The following EBF1 variants were observed in gnomAD, a reference collection of about 807,000 sequenced individuals.
EBF1 encodes EBF transcription factor 1.
Under a neutral mutation model 68.4 loss-of-function variants are expected in EBF1, and 10 were observed. That is an observed-to-expected ratio of 0.15 (90% CI 0.09 to 0.25). EBF1 has a LOEUF of 0.25. Among genes scored for constraint, EBF1 ranks in the 10% least tolerant of loss-of-function variants. The probability of loss-of-function intolerance (pLI) is 1.00; values close to 1 mark genes in which losing one functional copy is unlikely to be tolerated. For synonymous variants in EBF1, 298 were observed against 299.8 expected (o/e 0.99, Z 0.06); for missense variants, 509 against 794.4 (o/e 0.64, Z 4.32).
intron 6 of EBF1, among the ~76,000 whole-genome samples, chr5:159,018,797 G>T (rs771458354): frequency 4.6e-5 from 7 of 152,168 alleles, no homozygotes; most frequent in Admixed American, 2.0e-4. Flanking sequence ...CCCAAATCAC[G>T]TAGCTAGTAA....
chr5:159,097,726 C>T lies in EBF1; in HGVS notation c.135-596G>A, dbSNP rs570448513. The T allele has an allele frequency of 2.6e-4, 61 of 233,278 alleles. 1 individual carries two copies. The highest frequency in any genetic ancestry group is 1.3e-3 in the Middle Eastern group (1 of 786). The allele number at this position is 233,278 out of a possible 1,614,324, so 14.5% of individuals were successfully genotyped here. ...GGGGCTCAGAACTGTCGCGGGTGGTCGCTGTGAAAAAGGGAAGAGGGGTGT... is the reference window on the plus strand; with the variant it reads ...GGGGCTCAGAACTGTCGCGGGTGGTTGCTGTGAAAAAGGGAAGAGGGGTGT... On this transcript the variant is annotated intron_variant, in intron 1 of 15. Coordinates refer to ENST00000313708, the MANE Select transcript of EBF1 (RefSeq NM_024007.5).
intron 6 of EBF1, among the ~76,000 whole-genome samples, chr5:159,029,861 A>G (rs772495096): frequency 6.6e-6 from 1 of 151,856 alleles, no homozygotes; most frequent in Non-Finnish European, 1.5e-5. Flanking sequence ...GGCTGAGGCG[A>G]GAGTATCATC....
At chr5:158,741,476 G>C (rs946919743) in intron 10 of EBF1, among the ~76,000 whole-genome samples, 4 of 151,710 alleles carry the variant, frequency 2.6e-5, no homozygotes, top group Admixed American at 2.6e-4. Flanking sequence ...TCGGGAGGCT[G>C]AAGTGGGAGA....
chr5:159,008,768 C>G (rs1265862325), intron 6 of EBF1, among the ~76,000 whole-genome samples: 1 of 152,110 alleles, frequency 6.6e-6, no homozygotes, highest in Non-Finnish European at 1.5e-5. Context: ...AACTCCTGAC[C>G]TGACGTGATT....
chr5:158,715,641 G>T lies in EBF1; in HGVS notation c.1126-1459C>A, dbSNP rs554587011. 1.4e-3 allele frequency among the ~76,000 whole-genome samples: 216 copies of T among 152,202 alleles called. 1 individual carries two copies. Among genetic ancestry groups the T allele is most frequent in the African/African-American group, 5.0e-3 (208 of 41,546 alleles). ...GTAAAGAACATTATATAATCAAAGG[G>T]ATTTGAACCAATACATCTGAAATCA... is the stretch of plus-strand genomic sequence containing the variant. On this transcript the variant is annotated intron_variant, in intron 11 of 15. Transcript: ENST00000313708.
chr5:158,775,659 C>T lies in EBF1; in HGVS notation c.1036+1754G>A, dbSNP rs142689718. Among the ~76,000 whole-genome samples, 121 of 152,000 alleles carry T rather than the reference C, an allele frequency of 8.0e-4. 1 individual carries two copies. Among genetic ancestry groups the T allele is most frequent in the African/African-American group, 2.7e-3 (114 of 41,476 alleles). ...GTGGGGGAACATTGTGAAAAACTCC[C>T]ATCCATTGGAATGATGCTGGGGAAT... is the stretch of plus-strand genomic sequence containing the variant. On this transcript the variant is annotated intron_variant, in intron 10 of 15. Transcript: ENST00000313708.
Position 158,714,141 on chromosome 5 carries a change from C to A in EBF1, c.1167G>T (p.Leu389=), listed in dbSNP as rs748273958. ...LKRAADLVEA[L]YGMPHNNQEI... ...CCTGGTTGTTGTGTGGCATCCCATACAGTGCTTCTACCAGATCCGCAGCCC... is the reference window on the plus strand; with the variant it reads ...CCTGGTTGTTGTGTGGCATCCCATAAAGTGCTTCTACCAGATCCGCAGCCC... Residue 389 remains leucine (L), a synonymous_variant, in exon 12 of 16, where the codon CTG becomes CTT. Coordinates refer to ENST00000313708, the MANE Select transcript of EBF1 (RefSeq NM_024007.5). 6.2e-7 allele frequency: 1 copy of A among 1,614,244 alleles called. No homozygotes were observed.
At chr5:158,894,235 T>C (rs148384468) in intron 6 of EBF1, among the ~76,000 whole-genome samples, 1,734 of 152,342 alleles carry the variant, frequency 0.011, 12 homozygotes, top group Non-Finnish European at 0.019. Context: ...TATGCATTTC[T>C]GATACCAAAA....
chr5:159,068,648 C>T (rs1448799032), intron 6 of EBF1, among the ~76,000 whole-genome samples: 7 of 152,048 alleles, frequency 4.6e-5, no homozygotes, highest in South Asian at 2.1e-4. Context: ...TAAGCTTTTC[C>T]GTTCATATGA....
chr5:159,078,584 G>C (rs1779212617), intron 5 of EBF1, among the ~76,000 whole-genome samples: 2 of 152,168 alleles, frequency 1.3e-5, no homozygotes, highest in South Asian at 2.1e-4. Context: ...TCTCATGCTG[G>C]CATCTTGCAA....
intron 11 of EBF1, among the ~76,000 whole-genome samples, chr5:158,721,177 T>A (rs60203269): frequency 0.017 from 2,531 of 152,242 alleles, 66 homozygotes; most frequent in African/African-American, 0.056. Context: ...GATTTTATGT[T>A]CAGATTAGAT....
At chr5:158,989,875 T>C (rs1163689302) in intron 6 of EBF1, among the ~76,000 whole-genome samples, 1 of 152,172 alleles carries the variant, frequency 6.6e-6, no homozygotes, top group African/African-American at 2.4e-5. Flanking sequence ...ATGGAGTGCA[T>C]TATTTCTATG....
chr5:159,046,568 C>T (rs1328014672), intron 6 of EBF1, among the ~76,000 whole-genome samples: 1 of 152,142 alleles, frequency 6.6e-6, no homozygotes, highest in African/African-American at 2.4e-5. Context: ...GACAGCATGC[C>T]AGGACTGGAG....
At chr5:158,836,918 G>A (rs1788944356) in intron 7 of EBF1, among the ~76,000 whole-genome samples, 1 of 152,140 alleles carries the variant, frequency 6.6e-6, no homozygotes, top group Non-Finnish European at 1.5e-5. Context: ...GGACCCATTT[G>A]AGAATCACAG....
intron 6 of EBF1, among the ~76,000 whole-genome samples, chr5:159,060,685 A>G (rs1324438707): frequency 6.6e-6 from 1 of 152,148 alleles, no homozygotes; most frequent in Non-Finnish European, 1.5e-5. Context: ...GTATGACAAC[A>G]AACCAATTTC....
chr5:158,794,093 C>T (rs144892574), intron 9 of EBF1, among the ~76,000 whole-genome samples: 1 of 152,228 alleles, frequency 6.6e-6, no homozygotes, highest in Non-Finnish European at 1.5e-5. Flanking sequence ...TGCACCAGGA[C>T]AGGGTCATAG....
intron 6 of EBF1, among the ~76,000 whole-genome samples, chr5:158,953,287 A>G (rs1256899160): frequency 6.6e-6 from 1 of 152,190 alleles, no homozygotes; most frequent in Non-Finnish European, 1.5e-5. Context: ...AGCAGTTGTA[A>G]TTGCTCCTTT....
At chr5:159,030,849 G>T (rs538714876) in intron 6 of EBF1, among the ~76,000 whole-genome samples, 10 of 152,182 alleles carry the variant, frequency 6.6e-5, no homozygotes, top group African/African-American at 2.4e-4. Context: ...GCTGTAGTGT[G>T]CATGATGGGC....
intron 6 of EBF1, among the ~76,000 whole-genome samples, chr5:158,960,664 C>A (rs148834457): frequency 2.6e-5 from 4 of 152,182 alleles, no homozygotes; most frequent in African/African-American, 9.7e-5. Context: ...TGAATGTGGG[C>A]TAGAGTTAGT....
Sources: gnomAD v4.1 joint callset for allele counts (sites outside exome capture counted in the v4.1 genomes callset) on GRCh38, gnomAD v4.1.1 for gene constraint, MANE v1.5 for transcripts, NCBI Gene and HGNC (gene_info 2026-07-23, HGNC 2026-07-21) for gene names.